Variants in EIF3E observed in about 807,000 individuals in gnomAD.
The protein encoded by EIF3E is eukaryotic translation initiation factor 3 subunit E.
A neutral mutation model predicts 59.3 loss-of-function variants in EIF3E; 25 were observed. The observed-to-expected ratio is 0.42, with a 90% CI of 0.31 to 0.59. EIF3E has a LOEUF of 0.59. Ranked by LOEUF, EIF3E falls within the 20% of genes least tolerant of loss-of-function variation. The pLI, the probability that EIF3E is intolerant of heterozygous loss-of-function variation, is 0.15. For missense variants in EIF3E, 317 were observed against 534.3 expected, an observed-to-expected ratio of 0.59 and a Z score of 4.01; for synonymous variants, 176 against 170.2, an observed-to-expected ratio of 1.03 and a Z score of -0.26.
At chr8:108,246,104 T>C (rs13251024) in intron 1 of EIF3E, among the ~76,000 whole-genome samples, 88,218 of 152,004 alleles carry the variant, frequency 0.58, 25,594 homozygotes, top group Middle Eastern at 0.63. Context: ...TGTGGATACA[T>C]TGGACAAAAG....
At chr8:108,215,056 G>A (rs866896103) in intron 9 of EIF3E, among the ~76,000 whole-genome samples, 3 of 152,290 alleles carry the variant, frequency 2.0e-5, no homozygotes, top group Middle Eastern at 3.4e-3. Flanking sequence ...CAAGCTCGGA[G>A]TATTTCTACA....
chr8:108,234,812 C>A, intron 5 of EIF3E, 186 bp downstream of exon 5: 1 of 375,464 alleles, frequency 2.7e-6, no homozygotes, highest in South Asian at 1.0e-4. Context: ...ATTTTGAGGC[C>A]CTGAAACAAG....
intron 9 of EIF3E, among the ~76,000 whole-genome samples, chr8:108,215,855 C>G (rs950843098): frequency 2.0e-5 from 3 of 152,120 alleles, no homozygotes; most frequent in African/African-American, 4.8e-5. Flanking sequence ...AACTATAAGT[C>G]TTCCATTTGC....
chr8:108,241,566 T>A (rs770362186), intron 2 of EIF3E, among the ~76,000 whole-genome samples: 1 of 152,196 alleles, frequency 6.6e-6, no homozygotes, highest in Middle Eastern at 3.2e-3. Flanking sequence ...TGATACATAC[T>A]ATGAAATGAA....
intron 10 of EIF3E, among the ~76,000 whole-genome samples, chr8:108,211,488 T>C (rs1008871847): frequency 6.6e-6 from 1 of 152,226 alleles, no homozygotes; most frequent in African/African-American, 2.4e-5. Flanking sequence ...AGATTCTGGA[T>C]ATTAGCCCTT....
intron 7 of EIF3E, among the ~76,000 whole-genome samples, chr8:108,219,937 GTT>G (rs1403428286): frequency 6.6e-6 from 1 of 152,164 alleles, no homozygotes; most frequent in African/African-American, 2.4e-5. Flanking sequence ...GAGGTCAGGA[GTT>G]TGACATCAGC....
chr8:108,228,564 C>T (rs991834470), intron 6 of EIF3E, among the ~76,000 whole-genome samples, 173 bp from the exon 7 acceptor site: 7 of 152,062 alleles, frequency 4.6e-5, no homozygotes, highest in African/African-American at 1.7e-4. Context: ...CATGATCCCT[C>T]GACATTCCAA....
chr8:108,217,969 G>C (rs554272217), intron 7 of EIF3E, among the ~76,000 whole-genome samples: 37 of 152,282 alleles, frequency 2.4e-4, no homozygotes, highest in African/African-American at 8.9e-4. Context: ...GTAGGAATTA[G>C]GAAGGAATAG....
intron 3 of EIF3E, among the ~76,000 whole-genome samples, chr8:108,237,731 A>C (rs1483264283): frequency 6.6e-6 from 1 of 152,198 alleles, no homozygotes; most frequent in Non-Finnish European, 1.5e-5. Context: ...CCAACATAGA[A>C]GAACTTCAAC....
chr8:108,239,884 G>T, intron 3 of EIF3E, 74 bp downstream of exon 3: 1 of 1,199,816 alleles, frequency 8.3e-7, no homozygotes, highest in Non-Finnish European at 1.2e-6. Flanking sequence ...TGGGATACTG[G>T]ATAAAGTTTG....
rs193024603 is a variant in EIF3E, at chr8:108,217,528, T to A, written c.723-68A>T. ...GAGATAAAGAAAACTCTCGAGCAGG[T>A]CATTAGATTGTACTATTTCACTAGC... On this transcript the variant is annotated intron_variant, in intron 7 of 12. Transcript: ENST00000220849. The A allele has an allele frequency of 2.1e-5, 28 of 1,348,038 alleles. No homozygotes were observed. The Admixed American group carries it at 4.3e-4, about 21-fold the overall frequency. 83.5% of individuals were successfully genotyped at this position (1,348,038 alleles called of 1,614,324 possible).
chr8:108,221,806 G>GCA (rs71281606), intron 7 of EIF3E, among the ~76,000 whole-genome samples: 41 of 149,938 alleles, frequency 2.7e-4, no homozygotes, highest in South Asian at 1.7e-3. Context: ...ACACACACAC[G>GCA]CACACACACA....
intron 1 of EIF3E, among the ~76,000 whole-genome samples, chr8:108,246,788 CACTT>C (rs1325665467): frequency 1.3e-5 from 2 of 152,150 alleles, no homozygotes; most frequent in African/African-American, 4.8e-5. Context: ...GATGTACTTC[CACTT>C]ACTAAAAAGT....
intron 8 of EIF3E, 44 bp from the exon 9 acceptor site, chr8:108,216,557 T>G: frequency 7.4e-7 from 1 of 1,342,726 alleles, no homozygotes; most frequent in East Asian, 2.4e-5. Context: ...GATTCAACAT[T>G]GTTTAGCAGA....
At chr8:108,242,159 T>C (rs1008233716) in intron 1 of EIF3E, 40 of 1,373,796 alleles carry the variant, frequency 2.9e-5, no homozygotes, top group Non-Finnish European at 3.7e-5. Context: ...TCCCACCTAC[T>C]TCTGATTTAC....
intron 7 of EIF3E, among the ~76,000 whole-genome samples, chr8:108,218,670 T>C (rs549788244): frequency 6.6e-6 from 1 of 152,334 alleles, no homozygotes; most frequent in East Asian, 1.9e-4. Context: ...GCAATACTCA[T>C]TTAGAACAAT....
chr8:108,221,941 GC>G, intron 7 of EIF3E, among the ~76,000 whole-genome samples: 1 of 152,168 alleles, frequency 6.6e-6, no homozygotes, highest in South Asian at 2.1e-4. Flanking sequence ...AAATATGAAA[GC>G]CATTCTAGAC....
intron 5 of EIF3E, among the ~76,000 whole-genome samples, chr8:108,229,672 G>A (rs1001902476): frequency 5.9e-5 from 9 of 152,068 alleles, no homozygotes; most frequent in South Asian, 4.1e-4. Flanking sequence ...AAGTCAGTAC[G>A]GAGAGAGGGA....
chr8:108,242,608 T>C (rs1214830057), intron 1 of EIF3E: 5 of 1,168,910 alleles, frequency 4.3e-6, no homozygotes, highest in South Asian at 3.5e-5. Flanking sequence ...AATATTTCAC[T>C]GCCCACAAAA....
Sources: gnomAD v4.1 joint callset for allele counts (sites outside exome capture counted in the v4.1 genomes callset) on GRCh38, gnomAD v4.1.1 for gene constraint, MANE v1.5 for transcripts, NCBI Gene and HGNC (gene_info 2026-07-23, HGNC 2026-07-21) for gene names.